The following TMX3 variants were observed in gnomAD, a reference collection of about 807,000 sequenced individuals.
The protein encoded by TMX3 is thioredoxin related transmembrane protein 3.
TMX3 carries 40 observed loss-of-function variants against 64.4 expected under a neutral mutation model. That is an observed-to-expected ratio of 0.62 (90% CI 0.48 to 0.81). The LOEUF (loss-of-function observed/expected upper bound fraction) is 0.81. Ranked by LOEUF, TMX3 falls within the 30% of genes least tolerant of loss-of-function variation. The pLI, the probability that TMX3 is intolerant of heterozygous loss-of-function variation, is 0.00. For missense variants in TMX3, 497 were observed against 534.5 expected (o/e 0.93, Z 0.69); for synonymous variants, 189 against 175.7 (o/e 1.08, Z -0.60).
chr18:68,689,946 A>T (rs762328223), intron 9 of TMX3: 48 of 152,334 alleles, frequency 3.2e-4, no homozygotes, highest in Non-Finnish European at 6.2e-4. Context: ...TGTAGATAGT[A>T]CCTTTTATAT....
In TMX3 at chr18:68,711,344, T is replaced by C. The variant is rs755277684; in HGVS notation, c.141+20A>G. On this transcript the variant is annotated intron_variant, in intron 3 of 15. Coordinates refer to ENST00000299608, the MANE Select transcript of TMX3 (RefSeq NM_019022.5). ...AAATGGTAGGGGTGGGTAATTAGCA[T>C]ATAAAATTTACATACTTACATCTAC... The C allele has an allele frequency of 8.3e-6, 13 of 1,566,972 alleles. No homozygotes were observed. The highest frequency in any genetic ancestry group is 1.1e-5 in the Non-Finnish European group (13 of 1,149,614).
At chr18:68,700,178 T>C (rs1400228973) in intron 6 of TMX3, among the ~76,000 whole-genome samples, 1 of 152,030 alleles carries the variant, frequency 6.6e-6, no homozygotes, top group Non-Finnish European at 1.5e-5. Flanking sequence ...ATAGACAAAA[T>C]GAATTTAAAT....
In TMX3 at chr18:68,677,082, T is replaced by G. The variant is rs964642577; in HGVS notation, c.1216A>C (p.Ile406Leu). The change falls in exon 16 of 16, where the codon ATA (isoleucine) becomes CTA (leucine). Residue 406 changes from isoleucine to leucine, a missense_variant. Physicochemically the swap from Ile to Leu is conservative, Grantham distance 5. This residue lies in a region of TMX3 where 94 missense variants were observed against 75.8 expected (regional missense o/e 1.24). Coordinates refer to ENST00000299608, the MANE Select transcript of TMX3 (RefSeq NM_019022.5). ...TTAGACACTTCATATCGTTCTTCTATATAACCTCCATCTGTGTCGGCTGTG... is the reference window on the plus strand; with the variant it reads ...TTAGACACTTCATATCGTTCTTCTAGATAACCTCCATCTGTGTCGGCTGTG... ...IYTADTDGGY[I>L]EERYEVSKSE... 6.2e-7 allele frequency: 1 copy of G among 1,613,760 alleles called. No individual in the cohort carries two copies. The highest frequency in any genetic ancestry group is 1.3e-5 in the African/African-American group (1 of 74,904).
At chr18:68,705,751 T>C (rs1599338077) in intron 4 of TMX3, among the ~76,000 whole-genome samples, 4 of 152,340 alleles carry the variant, frequency 2.6e-5, no homozygotes, top group East Asian at 1.9e-4. Context: ...TATTTGGTTA[T>C]GGTATTAGTT....
intron 9 of TMX3, 23 bp from the exon 10 acceptor site, chr18:68,687,788 C>T (rs538636325): frequency 9.6e-6 from 15 of 1,554,826 alleles, no homozygotes; most frequent in African/African-American, 1.4e-5. Context: ...ACAAAGTTGA[C>T]AAATTACAGT....
chr18:68,686,767 T>C, intron 10 of TMX3: 1 of 984,298 alleles, frequency 1.0e-6, no homozygotes, highest in Non-Finnish European at 1.2e-6. Flanking sequence ...CAACTTCCAA[T>C]AATGAGCTAA....
At chr18:68,687,902 G>T in intron 9 of TMX3, 137 bp from the exon 10 acceptor site, 1 of 526,732 alleles carries the variant, frequency 1.9e-6, no homozygotes, top group Non-Finnish European at 3.2e-6. Flanking sequence ...GGAATTTATT[G>T]CAAGCATACA....
At position 68,676,498 on chromosome 18, in the gene TMX3, A is replaced by G. The variant is rs1201089607; in HGVS notation, c.*435T>C. On this transcript the variant is annotated 3_prime_UTR_variant, in exon 16 of 16. Coordinates refer to ENST00000299608, the MANE Select transcript of TMX3 (RefSeq NM_019022.5). ...TCCTTAAAGTGCCTAAATTTTAAAG[A>G]CTTAATTTTGTCCATATAAATCTTG... The G allele has an allele frequency of 6.3e-6, 1 of 158,236 alleles. No homozygotes were observed. Among genetic ancestry groups the G allele is most frequent in the African/African-American group, 2.4e-5 (1 of 41,556 alleles). The allele number at this position is 158,236 out of a possible 1,614,324, so 9.8% of individuals were successfully genotyped here. A position where few individuals can be genotyped will look rare whatever the true frequency, so the allele number is the denominator to read the frequency against.
At chr18:68,691,258 T>C in intron 9 of TMX3, 37 bp downstream of exon 9, 1 of 1,426,376 alleles carries the variant, frequency 7.0e-7, no homozygotes, top group Non-Finnish European at 9.6e-7. Context: ...ATTTTAATTT[T>C]AAAATGTTTT....
chr18:68,714,970 C>T lies in TMX3; in HGVS notation c.12G>A (p.Trp4Ter). Reference sequence around the variant, plus strand: ...AGAGCCGCAGGGCCGTCCAACTCTTCCACGCTGCCATGCTAGCCCGGGAGA... The same window carrying T: ...AGAGCCGCAGGGCCGTCCAACTCTTTCACGCTGCCATGCTAGCCCGGGAGA... The part of the protein sequence containing the change: MAA[W>*]KSWTALRLCA... Residue 4 changes from tryptophan (W) to a stop codon, truncating the protein, a stop_gained, in exon 1 of 16, where the codon TGG becomes TGA. Transcript: ENST00000299608. LOFTEE classifies it high-confidence loss of function. The T allele has an allele frequency of 6.4e-7, 1 of 1,574,780 alleles. No homozygotes were observed. The highest frequency in any genetic ancestry group is 8.6e-7 in the Non-Finnish European group (1 of 1,160,916).
intron 4 of TMX3, among the ~76,000 whole-genome samples, chr18:68,707,389 T>C (rs2030783667): frequency 6.6e-6 from 1 of 152,256 alleles, no homozygotes; most frequent in East Asian, 1.9e-4. Context: ...TAAAACACTT[T>C]CTTCTCTAAG....
At chr18:68,709,144 T>C (rs771908622) in intron 4 of TMX3, among the ~76,000 whole-genome samples, 56 of 152,148 alleles carry the variant, frequency 3.7e-4, no homozygotes, top group Non-Finnish European at 7.2e-4. Context: ...TATAATTAAG[T>C]ATTTATCAAT....
chr18:68,705,533 C>T (rs201425821), intron 4 of TMX3, among the ~76,000 whole-genome samples: 1 of 152,144 alleles, frequency 6.6e-6, no homozygotes, highest in African/African-American at 2.4e-5. Flanking sequence ...AAAATGTGAT[C>T]TTTATCATAA....
intron 6 of TMX3, 148 bp from the exon 7 acceptor site, chr18:68,698,179 TATA>T: frequency 1.6e-6 from 1 of 611,186 alleles, no homozygotes; most frequent in Non-Finnish European, 2.8e-6. Context: ...TCCACATGAA[TATA>T]ATAAAACTGT....
intron 8 of TMX3, among the ~76,000 whole-genome samples, chr18:68,694,467 G>C (rs367946766): frequency 6.6e-6 from 1 of 152,204 alleles, no homozygotes; most frequent in African/African-American, 2.4e-5. Flanking sequence ...GCTGTGCGCA[G>C]TGGCCAGATT....
At chr18:68,702,063 C>T (rs1453891780) in intron 4 of TMX3, among the ~76,000 whole-genome samples, 1 of 148,438 alleles carries the variant, frequency 6.7e-6, no homozygotes, top group African/African-American at 2.5e-5. Context: ...TTATAAAATA[C>T]TTATTTTAAA....
At chr18:68,697,057 C>T in intron 8 of TMX3, 169 bp downstream of exon 8, 1 of 452,938 alleles carries the variant, frequency 2.2e-6, no homozygotes, top group South Asian at 4.0e-5. Context: ...AATCTAATAC[C>T]AGTAGTAAAG....
At chr18:68,700,327 G>A in intron 6 of TMX3, 78 bp downstream of exon 6, 2 of 1,006,316 alleles carry the variant, frequency 2.0e-6, no homozygotes, top group Non-Finnish European at 2.9e-6. Flanking sequence ...AAATATGTTT[G>A]TTCAATACAG....
chr18:68,714,933 TA>T lies in TMX3; in HGVS notation c.46+2del. Reference sequence around the variant, plus strand: ...AGCGTCCCGACCGCTGAGCCCCCATTACCTGTGGCGCAGAGCCGCAGGGCCG... The same window carrying T: ...AGCGTCCCGACCGCTGAGCCCCCATTCCTGTGGCGCAGAGCCGCAGGGCCG... On this transcript the variant is annotated splice_donor_variant, in intron 1 of 15. Coordinates refer to ENST00000299608, the MANE Select transcript of TMX3 (RefSeq NM_019022.5). LOFTEE classifies it high-confidence loss of function. 2 of 1,563,074 alleles carry T rather than the reference TA, an allele frequency of 1.3e-6. No homozygotes were observed. Among genetic ancestry groups the T allele is most frequent in the Non-Finnish European group, 8.7e-7 (1 of 1,154,306 alleles).
Sources: allele counts gnomAD v4.1 joint callset (sites outside exome capture counted in the v4.1 genomes callset), GRCh38; gene constraint gnomAD v4.1.1; regional missense constraint gnomAD v4.1.1; transcripts MANE v1.5; gene names NCBI Gene and HGNC (gene_info 2026-07-23, HGNC 2026-07-21).